The following DHCR24 variants were observed in gnomAD, a reference collection of about 807,000 sequenced individuals.
DHCR24 encodes the protein delta(24)-sterol reductase.
In DHCR24, 28 loss-of-function variants were observed where a neutral mutation model predicts 61.2. The observed-to-expected ratio is 0.46, with a 90% CI of 0.34 to 0.63. The LOEUF is 0.63. Ranked by LOEUF, DHCR24 falls within the 20% of genes least tolerant of loss-of-function variation. DHCR24 has a pLI of 0.01. For missense variants in DHCR24, 538 were observed against 679.1 expected (o/e 0.79, Z 2.31); for synonymous variants, 261 against 275.9 (o/e 0.95, Z 0.54).
intron 6 of DHCR24, among the ~76,000 whole-genome samples, chr1:54,860,407 C>T (rs1355068668): frequency 6.6e-6 from 1 of 152,176 alleles, no homozygotes; most frequent in African/African-American, 2.4e-5. Flanking sequence ...TAACTAGAAC[C>T]CTGAAGCCCT....
intron 6 of DHCR24, among the ~76,000 whole-genome samples, chr1:54,862,872 C>T (rs1406233836): frequency 2.0e-5 from 3 of 151,926 alleles, no homozygotes; most frequent in South Asian, 4.2e-4. Flanking sequence ...GTCAGGAGAT[C>T]GAGACCATCC....
Position 54,852,340 on chromosome 1 carries a change from A to G in DHCR24, c.1444T>C (p.Trp482Arg), listed in dbSNP as rs746133150. The G allele has an allele frequency of 6.2e-7, 1 of 1,614,186 alleles. No individual in the cohort carries two copies. Among genetic ancestry groups the G allele is most frequent in the South Asian group, 1.1e-5 (1 of 91,080 alleles). Reference sequence around the variant, plus strand: ...TACAAGGAGCCATCAAACATCTCCCAGAACTCCTCCCGGTTCATGTAGCAG... The same window carrying G: ...TACAAGGAGCCATCAAACATCTCCCGGAACTCCTCCCGGTTCATGTAGCAG... ...ADCYMNREEF[W>R]EMFDGSLYHK... is the part of the protein sequence containing the mutation. Residue 482 changes from tryptophan (W) to arginine (R), a missense_variant, in exon 9 of 9, where the codon TGG (tryptophan) becomes CGG (arginine). Coordinates refer to ENST00000371269, the MANE Select transcript of DHCR24 (RefSeq NM_014762.4).
At chr1:54,853,328 G>A in intron 8 of DHCR24, 106 bp downstream of exon 8, 1 of 1,449,026 alleles carries the variant, frequency 6.9e-7, no homozygotes, top group South Asian at 1.2e-5. Flanking sequence ...GGAACCAGTT[G>A]ATAGGCTTGG....
rs1226903077 is a variant in DHCR24 at position 54,871,458 on chromosome 1, G to T, written c.768C>A (p.Thr256=). The T allele has an allele frequency of 1.2e-6, 2 of 1,614,084 alleles. No individual in the cohort carries two copies. Among genetic ancestry groups the T allele is most frequent in the Non-Finnish European group, 1.7e-6 (2 of 1,180,034 alleles). The change falls in exon 5 of 9, where the codon ACC becomes ACA. Residue 256 remains threonine, a synonymous_variant. Coordinates refer to ENST00000371269, the MANE Select transcript of DHCR24 (RefSeq NM_014762.4). ...RGLEAICAKF[T]HESQRQENHF... ...GGTTCTCCTGCCGCTGGGACTCGTGGGTGAACTTGGCACAGATAGCCTCCA... is the reference window on the plus strand; with the variant it reads ...GGTTCTCCTGCCGCTGGGACTCGTGTGTGAACTTGGCACAGATAGCCTCCA...
intron 1 of DHCR24, among the ~76,000 whole-genome samples, chr1:54,884,552 AG>A (rs1647082490): frequency 6.6e-6 from 1 of 152,184 alleles, no homozygotes; most frequent in Non-Finnish European, 1.5e-5. Flanking sequence ...GAAATGCAGG[AG>A]GAAGTGTTTC....
In DHCR24 at chr1:54,871,361, C is replaced by G. The variant is rs189200040; in HGVS notation, c.865G>C (p.Glu289Gln). The change falls in exon 5 of 9, where the codon GAG becomes CAG. Residue 289 changes from glutamate to glutamine, a missense_variant. Physicochemically the swap from Glu to Gln is conservative, Grantham distance 29. Coordinates refer to ENST00000371269, the MANE Select transcript of DHCR24 (RefSeq NM_014762.4). ...ACACCCTGGCTTACCTTGCTGGGCT[C>G]TGCCTCATCTGTCATGACCCCTGTC... ...IMTGVMTDEA[E>Q]PSKLNSIGNY... The G allele has an allele frequency of 6.2e-7, 1 of 1,614,074 alleles. No individual in the cohort carries two copies. The highest frequency in any genetic ancestry group is 2.2e-5 in the East Asian group (1 of 44,868).
At chr1:54,872,097 C>T (rs12130886) in intron 4 of DHCR24, among the ~76,000 whole-genome samples, 2,219 of 152,220 alleles carry the variant, frequency 0.015, 34 homozygotes, top group African/African-American at 0.031. Context: ...GATCCACCCC[C>T]GACAGAGCCC....
chr1:54,852,295 G>C lies in DHCR24; in HGVS notation c.1489C>G (p.Leu497Val), dbSNP rs1246120642. The C allele has an allele frequency of 1.9e-6, 3 of 1,614,238 alleles. No individual in the cohort carries two copies. Among genetic ancestry groups the C allele is most frequent in the Non-Finnish European group, 2.5e-6 (3 of 1,180,042 alleles). The stretch of plus-strand genomic sequence containing the variant: ...TCGGGGAAGGCGTCCTGGCAACCCA[G>C]CTTCTCTCGCAGCTTGTGGTACAAG... ...GSLYHKLREK[L>V]GCQDAFPEVY... Residue 497 changes from leucine to valine, a missense_variant, in exon 9 of 9, where the codon CTG becomes GTG. Leu to Val is a conservative substitution (Grantham distance 32). Transcript: ENST00000371269.
rs770259892 is a variant in DHCR24, at chr1:54,887,003, G to A, written c.117C>T (p.Leu39=). ...TATCGAAGATAAGCGAGAGCGGCAG[G>A]AGGAAGAGGCACACGAACACCCAGC... ...HQRWVFVCLF[L]LPLSLIFDIY... Residue 39 remains leucine (L), a synonymous_variant, in exon 1 of 9, where the codon CTC becomes CTT. Coordinates refer to ENST00000371269, the MANE Select transcript of DHCR24 (RefSeq NM_014762.4). The A allele has an allele frequency of 6.2e-7, 1 of 1,613,666 alleles. No individual in the cohort carries two copies. Among genetic ancestry groups the A allele is most frequent in the South Asian group, 1.1e-5 (1 of 90,996 alleles).
At chr1:54,874,421 G>A (rs1647015415) in intron 4 of DHCR24, among the ~76,000 whole-genome samples, 1 of 152,172 alleles carries the variant, frequency 6.6e-6, no homozygotes, top group South Asian at 2.1e-4. Context: ...AAATACCATT[G>A]TGTTACAGCT....
At chr1:54,868,848 C>A (rs541958881) in intron 5 of DHCR24, among the ~76,000 whole-genome samples, 2 of 152,264 alleles carry the variant, frequency 1.3e-5, no homozygotes, top group Admixed American at 1.3e-4. Context: ...CAGGCGATCA[C>A]CTGAGCTCAG....
chr1:54,864,047 A>G (rs1646953514), intron 6 of DHCR24, among the ~76,000 whole-genome samples: 1 of 152,240 alleles, frequency 6.6e-6, no homozygotes, highest in Non-Finnish European at 1.5e-5. Flanking sequence ...AAACCAGAAA[A>G]TAACAAGTGT....
intron 6 of DHCR24, among the ~76,000 whole-genome samples, chr1:54,862,664 C>T (rs1016714747): frequency 6.6e-6 from 1 of 152,166 alleles, no homozygotes; most frequent in African/African-American, 2.4e-5. Context: ...ATATAGGGCT[C>T]CAACCTCCAC....
chr1:54,871,733 A>G, intron 4 of DHCR24, 120 bp from the exon 5 acceptor site: 1 of 1,379,250 alleles, frequency 7.3e-7, no homozygotes, highest in Non-Finnish European at 1.0e-6. Context: ...GTATAAACCC[A>G]AACAATGAGC....
At chr1:54,884,592 G>T (rs996333374) in intron 1 of DHCR24, among the ~76,000 whole-genome samples, 1 of 152,154 alleles carries the variant, frequency 6.6e-6, no homozygotes, top group East Asian at 1.9e-4. Flanking sequence ...AAGTGCAGGG[G>T]GGGTGGATAT....
chr1:54,871,635 T>C (rs1275159195), intron 4 of DHCR24, 22 bp from the exon 5 acceptor site: 4 of 1,614,100 alleles, frequency 2.5e-6, no homozygotes, highest in East Asian at 2.2e-5. Context: ...AATTGATGTG[T>C]TGTGAGCTGA....
rs1647052099 is a variant in DHCR24 at position 54,879,322 on chromosome 1, G to GGGA, written c.388-3276_388-3275insTCC. 5.5e-5 allele frequency among the ~76,000 whole-genome samples: 6 copies of GGGA among 108,536 alleles called. 2 individuals are homozygous for GGGA. The highest frequency in any genetic ancestry group is 3.5e-5 in the Non-Finnish European group (2 of 56,340). The allele number at this position is 108,536 out of a possible 152,430, so 71.2% of individuals were successfully genotyped here. A position where few individuals can be genotyped will look rare whatever the true frequency, so the allele number is the denominator to read the frequency against. ...TGGAGGACAGAGCAAGACTCCATCT[G>GGGA]AAAAAAAAAAAAAAAAAAAAAAAAA... On this transcript the variant is annotated intron_variant, in intron 2 of 8. Coordinates refer to ENST00000371269, the MANE Select transcript of DHCR24 (RefSeq NM_014762.4).
At position 54,849,880 on chromosome 1, in the gene DHCR24, T is replaced by C. The variant is rs1186958733; in HGVS notation, c.*2353A>G. 1.3e-5 allele frequency: 2 copies of C among 152,598 alleles called. No individual in the cohort carries two copies. Among genetic ancestry groups the C allele is most frequent in the African/African-American group, 4.8e-5 (2 of 41,414 alleles). The allele number at this position is 152,598 out of a possible 1,614,324, so 9.5% of individuals were successfully genotyped here. A position where few individuals can be genotyped will look rare whatever the true frequency, so the allele number is the denominator to read the frequency against. On this transcript the variant is annotated 3_prime_UTR_variant, in exon 9 of 9. Coordinates refer to ENST00000371269, the MANE Select transcript of DHCR24 (RefSeq NM_014762.4). ...TCTGGCCAAAGAAACTGGCTACAAT[T>C]CTGATTCTAAAGAAAACCTTCATGC...
intron 6 of DHCR24, among the ~76,000 whole-genome samples, chr1:54,854,847 C>T (rs1018898657): frequency 5.9e-5 from 9 of 152,166 alleles, no homozygotes; most frequent in Non-Finnish European, 8.8e-5. Flanking sequence ...AACCCTCCTG[C>T]GCAGAAGCTG....
Sources: gnomAD v4.1 joint callset for allele counts (sites outside exome capture counted in the v4.1 genomes callset) on GRCh38, gnomAD v4.1.1 for gene constraint, MANE v1.5 for transcripts, NCBI Gene and HGNC (gene_info 2026-07-23, HGNC 2026-07-21) for gene names.